The following MAU2 variants were observed in gnomAD, a reference collection of about 807,000 sequenced individuals.
MAU2 encodes the protein MAU2 sister chromatid cohesion factor.
MAU2 carries 9 observed loss-of-function variants against 89.1 expected under a neutral mutation model. That is an observed-to-expected ratio of 0.10 (90% CI 0.06 to 0.18). MAU2 has a LOEUF of 0.18. Ranked by LOEUF, MAU2 falls within the 10% of genes least tolerant of loss-of-function variation. The pLI, the probability that MAU2 is intolerant of heterozygous loss-of-function variation, is 1.00. For missense variants in MAU2, 425 were observed against 803.5 expected (o/e 0.53, Z 5.69); for synonymous variants, 357 against 343.4 (o/e 1.04, Z -0.44).
At chr19:19,324,740 T>C (rs1355016997) in intron 1 of MAU2, among the ~76,000 whole-genome samples, 1 of 152,238 alleles carries the variant, frequency 6.6e-6, no homozygotes. Flanking sequence ...GTGCCCTCTG[T>C]AGCTCACGCC....
chr19:19,322,678 T>G (rs975936241), intron 1 of MAU2, among the ~76,000 whole-genome samples: 1 of 146,694 alleles, frequency 6.8e-6, no homozygotes, highest in Non-Finnish European at 1.5e-5. Context: ...GCTGTGATCC[T>G]GTCAGACCCC....
At chr19:19,338,645 A>G (rs190686814) in intron 4 of MAU2, among the ~76,000 whole-genome samples, 200 bp from the exon 5 acceptor site, 7 of 152,376 alleles carry the variant, frequency 4.6e-5, no homozygotes, top group Admixed American at 1.3e-4. Context: ...TAGATGACAT[A>G]TATACTACAG....
At chr19:19,335,524 C>T (rs569847141) in intron 1 of MAU2, among the ~76,000 whole-genome samples, 194 bp from the exon 2 acceptor site, 3 of 152,260 alleles carry the variant, frequency 2.0e-5, no homozygotes, top group South Asian at 2.1e-4. Context: ...CACTGGGGCT[C>T]TATAGCTTCC....
chr19:19,350,743 AC>A (rs1424271094), intron 16 of MAU2, among the ~76,000 whole-genome samples: 2 of 151,996 alleles, frequency 1.3e-5, no homozygotes, highest in African/African-American at 4.8e-5. Context: ...TACTAAAAAT[AC>A]AAAAAATTAG....
chr19:19,338,231 T>C (rs1447836775), intron 4 of MAU2, among the ~76,000 whole-genome samples: 2 of 152,210 alleles, frequency 1.3e-5, no homozygotes, highest in African/African-American at 2.4e-5. Context: ...ATACACATGC[T>C]GTGTCCTTCC....
chr19:19,341,274 T>A lies in MAU2; in HGVS notation c.602T>A (p.Leu201Gln), dbSNP rs762872362. 6.2e-7 allele frequency: 1 copy of A among 1,612,096 alleles called. No homozygotes were observed. The change falls in exon 7 of 19, where the codon CTG becomes CAG. Residue 201 changes from leucine to glutamine, a missense_variant. By Grantham distance (113) the Leu-to-Gln change is moderately radical. This residue lies in a region of MAU2 where 119 missense variants were observed against 299.8 expected (regional missense o/e 0.40). Transcript: ENST00000262815. ...CAGCTGCTGCTGATGGAGCGAAAGC[T>A]GCAGGAGGTGCACCCGCTGCTGACC... ...KGMLLLMERK[L>Q]QEVHPLLTLC...
chr19:19,338,726 A>T, intron 4 of MAU2, 119 bp from the exon 5 acceptor site: 1 of 679,676 alleles, frequency 1.5e-6, no homozygotes, highest in South Asian at 1.9e-5. Context: ...CTCAAAACTG[A>T]CACAGGCAGT....
At chr19:19,327,526 C>T (rs537550549) in intron 1 of MAU2, among the ~76,000 whole-genome samples, 236 of 151,990 alleles carry the variant, frequency 1.6e-3, no homozygotes, top group African/African-American at 5.6e-3. Context: ...GGGGTTTCAC[C>T]GTGTTAGCCA....
rs183442792 is a variant in MAU2 at position 19,335,851 on chromosome 19, A to G, written c.294+116A>G. On this transcript the variant is annotated intron_variant, in intron 2 of 18. Transcript: ENST00000262815. ...TGCCCTGTGAGTTGAGGCTCGGCCC[A>G]CAGAGCACCTGGAGTGTCCCCCACC... 2.1e-4 allele frequency: 262 copies of G among 1,224,032 alleles called. No individual in the cohort carries two copies. In the African/African-American group the frequency reaches 3.4e-3, roughly 16 times the overall value. 75.8% of individuals were successfully genotyped at this position (1,224,032 alleles called of 1,614,324 possible). A position where few individuals can be genotyped will look rare whatever the true frequency, so the allele number is the denominator to read the frequency against.
chr19:19,355,626 C>T (rs528116142), intron 18 of MAU2, 82 bp from the exon 19 acceptor site: 6 of 1,340,022 alleles, frequency 4.5e-6, no homozygotes, highest in Non-Finnish European at 6.2e-6. Context: ...GTGTGAGCAG[C>T]CCAAGGAAGG....
At chr19:19,343,184 A>G (rs375240104) in intron 9 of MAU2, among the ~76,000 whole-genome samples, 66 of 152,368 alleles carry the variant, frequency 4.3e-4, no homozygotes, top group African/African-American at 1.5e-3. Flanking sequence ...GGCCAGGATC[A>G]GAACTCAGCC....
At chr19:19,354,574 A>G (rs539588179) in intron 17 of MAU2, 129 bp downstream of exon 17, 272 of 781,882 alleles carry the variant, frequency 3.5e-4, no homozygotes, top group Non-Finnish European at 4.1e-5. Context: ...CAGTTCTAGC[A>G]TGGGTAGGGG....
At chr19:19,326,336 T>C (rs1311150555) in intron 1 of MAU2, among the ~76,000 whole-genome samples, 1 of 151,770 alleles carries the variant, frequency 6.6e-6, no homozygotes, top group Non-Finnish European at 1.5e-5. Context: ...GCAGATTGCT[T>C]AAGCCCAGGA....
In MAU2 at chr19:19,341,358, G is replaced by A. The variant is rs967337017; in HGVS notation, c.686G>A (p.Arg229His). 10 of 1,613,802 alleles carry A rather than the reference G, an allele frequency of 6.2e-6. No individual in the cohort carries two copies. The highest frequency in any genetic ancestry group is 5.3e-5 in the African/African-American group (4 of 74,938). Residue 229 changes from arginine (R) to histidine (H), a missense_variant, in exon 7 of 19, where the codon CGT becomes CAT. Physicochemically the swap from Arg to His is conservative, Grantham distance 29. Transcript: ENST00000262815. ...AACCCCATCCAGAAGGAGTCGCTGCGTGTCTTCTTCCTGGTGCTCCAGGTC... is the reference window on the plus strand; with the variant it reads ...AACCCCATCCAGAAGGAGTCGCTGCATGTCTTCTTCCTGGTGCTCCAGGTC... ...QGNPIQKESL[R>H]VFFLVLQVTH...
Position 19,329,408 on chromosome 19 carries a change from C to T in MAU2, c.277-6310C>T, listed in dbSNP as rs571512187. Among the ~76,000 whole-genome samples, 30 of 152,304 alleles carry T rather than the reference C, an allele frequency of 2.0e-4. No individual in the cohort carries two copies. In the South Asian group the frequency reaches 4.4e-3, roughly 22 times the overall value. ...CAGCTGGTCCCTTCCTCTCCCACCCCGGTTCTTCTACTTCCTGATTGCCAG... is the reference window on the plus strand; with the variant it reads ...CAGCTGGTCCCTTCCTCTCCCACCCTGGTTCTTCTACTTCCTGATTGCCAG... On this transcript the variant is annotated intron_variant, in intron 1 of 18. Coordinates refer to ENST00000262815, the MANE Select transcript of MAU2 (RefSeq NM_015329.4).
At chr19:19,321,761 G>A (rs1220772250) in intron 1 of MAU2, 10 of 152,104 alleles carry the variant, frequency 6.6e-5, no homozygotes. Flanking sequence ...GGTCATTTGA[G>A]GCCTATGAGG....
Position 19,341,395 on chromosome 19 carries a change from GGAT to G in MAU2, c.725_727del (p.Asp242del). 1 of 1,613,846 alleles carries G rather than the reference GGAT, an allele frequency of 6.2e-7. No individual in the cohort carries two copies. The highest frequency in any genetic ancestry group is 1.7e-4 in the Middle Eastern group (1 of 6,040). On this transcript the variant is annotated inframe_deletion, in exon 7 of 19. Transcript: ENST00000262815. ...TGGTGCTCCAGGTCACCCACTATCT[GGAT>G]GCCGGGCAGGTGTGTGGCGCCTCTC... is the stretch of plus-strand genomic sequence containing the variant.
chr19:19,343,958 AG>A lies in MAU2; in HGVS notation c.1077+22del. The A allele has an allele frequency of 6.3e-7, 1 of 1,597,776 alleles. No individual in the cohort carries two copies. ...TGCAGGAGGTAAGGCTGGAAGCAGG[AG>A]GGGCGGGAAGGCCCAGGAGTTTGTT... is the stretch of plus-strand genomic sequence containing the variant. On this transcript the variant is annotated intron_variant, in intron 10 of 18. Transcript: ENST00000262815.
At chr19:19,344,494 T>C (rs1350476914) in intron 10 of MAU2, 3 of 350,674 alleles carry the variant, frequency 8.6e-6, no homozygotes, top group African/African-American at 4.1e-5. Flanking sequence ...CTCTGGGGAT[T>C]TGGGGGGTCC....
Sources: allele counts gnomAD v4.1 joint callset (sites outside exome capture counted in the v4.1 genomes callset), GRCh38; gene constraint gnomAD v4.1.1; regional missense constraint gnomAD v4.1.1; transcripts MANE v1.5; gene names NCBI Gene and HGNC (gene_info 2026-07-23, HGNC 2026-07-21).